The following TEKT5 variants were observed in gnomAD, a reference collection of about 807,000 sequenced individuals.
TEKT5 encodes the protein tektin 5.
A neutral mutation model predicts 48.7 loss-of-function variants in TEKT5; 52 were observed. The observed-to-expected ratio is 1.07, with a 90% confidence interval of 0.86 to 1.35. The LOEUF (loss-of-function observed/expected upper bound fraction) is 1.35. Ranked by LOEUF, TEKT5 falls within the 40% of genes most tolerant of loss-of-function variation. The probability of loss-of-function intolerance (pLI) is 0.00; values close to 1 mark genes in which losing one functional copy is unlikely to be tolerated. For missense variants in TEKT5, 831 were observed against 641.6 expected (o/e 1.30, Z -3.19); for synonymous variants, 318 against 267.6 (o/e 1.19, Z -1.84).
At chr16:10,677,439 G>A (rs1027616757) in intron 4 of TEKT5, among the ~76,000 whole-genome samples, 7 of 146,534 alleles carry the variant, frequency 4.8e-5, no homozygotes, top group Non-Finnish European at 4.4e-5. Context: ...GTGAAATCCC[G>A]TCTCTACTAA....
intron 3 of TEKT5, 64 bp downstream of exon 3, chr16:10,689,189 A>G: frequency 2.1e-6 from 3 of 1,417,734 alleles, no homozygotes; most frequent in Non-Finnish European, 2.9e-6. Context: ...CTTGTCCCCC[A>G]GAAATCTGAG....
At chr16:10,654,001 TGTGTGTGTGTGTGC>T (rs1567228730) in intron 5 of TEKT5, among the ~76,000 whole-genome samples, 1 of 145,124 alleles carries the variant, frequency 6.9e-6, no homozygotes, top group Non-Finnish European at 1.5e-5. Context: ...TGTGTGAACG[TGTGTGTGTGTGTGC>T]ATGTGTGTGT....
chr16:10,663,753 A>C (rs1169921591), intron 5 of TEKT5, among the ~76,000 whole-genome samples: 2 of 152,212 alleles, frequency 1.3e-5, no homozygotes, highest in African/African-American at 2.4e-5. Context: ...AGATGTTAGT[A>C]GCATTCTCCA....
At chr16:10,644,402 T>G (rs1033780836) in intron 5 of TEKT5, among the ~76,000 whole-genome samples, 2 of 152,198 alleles carry the variant, frequency 1.3e-5, no homozygotes, top group Non-Finnish European at 2.9e-5. Flanking sequence ...CCACATCGGA[T>G]TCTTCCAGAA....
intron 4 of TEKT5, among the ~76,000 whole-genome samples, chr16:10,678,373 G>A (rs917024796): frequency 2.6e-5 from 4 of 152,088 alleles, no homozygotes; most frequent in Non-Finnish European, 5.9e-5. Context: ...CTGGAATTAC[G>A]GGTCTGAGCC....
chr16:10,657,224 C>G (rs868610717), intron 5 of TEKT5, among the ~76,000 whole-genome samples: 5 of 151,394 alleles, frequency 3.3e-5, no homozygotes, highest in Middle Eastern at 3.4e-3. Context: ...TTGCCAGGTT[C>G]AAGCGATTCT....
At chr16:10,683,856 G>C (rs1898805001) in intron 3 of TEKT5, among the ~76,000 whole-genome samples, 1 of 152,218 alleles carries the variant, frequency 6.6e-6, no homozygotes, top group Admixed American at 6.5e-5. Flanking sequence ...GCTTCCCAAA[G>C]TGCTGGGATT....
intron 5 of TEKT5, among the ~76,000 whole-genome samples, chr16:10,645,949 T>C (rs556719425): frequency 5.3e-5 from 8 of 151,956 alleles, no homozygotes; most frequent in African/African-American, 1.4e-4. Flanking sequence ...CTGGGCAATA[T>C]AGTGAGACCC....
rs182278169 is a variant in TEKT5, at chr16:10,646,292, C to T, written c.1087-10374G>A. On this transcript the variant is annotated intron_variant, in intron 5 of 6. Transcript: ENST00000283025. ...GGATCTGGAAATCTAGATTTTTAAC[C>T]AGCTTCCCCCCAGTGACTCTTGTGC... Among the ~76,000 whole-genome samples the T allele has an allele frequency of 4.1e-3, 628 of 152,180 alleles. 4 individuals are homozygous for T. Among genetic ancestry groups the T allele is most frequent in the Non-Finnish European group, 5.0e-3 (339 of 68,008 alleles).
intron 6 of TEKT5, among the ~76,000 whole-genome samples, chr16:10,631,189 G>A (rs1897834876): frequency 6.7e-6 from 1 of 148,862 alleles, no homozygotes; most frequent in Admixed American, 6.8e-5. Context: ...CCGGGAGGCA[G>A]AGGTCGCAGT....
At chr16:10,679,848 G>A (rs1898713496) in intron 4 of TEKT5, among the ~76,000 whole-genome samples, 1 of 151,230 alleles carries the variant, frequency 6.6e-6, no homozygotes, top group Admixed American at 6.6e-5. Flanking sequence ...GGTGAGCCGA[G>A]ATCGCACCAT....
chr16:10,673,084 G>C (rs1183465866), intron 5 of TEKT5, among the ~76,000 whole-genome samples: 3 of 152,196 alleles, frequency 2.0e-5, no homozygotes, highest in Non-Finnish European at 4.4e-5. Context: ...TAACCATGCA[G>C]TCTGGCTCAG....
chr16:10,643,825 G>A (rs1434439874), intron 5 of TEKT5, among the ~76,000 whole-genome samples: 2 of 152,136 alleles, frequency 1.3e-5, no homozygotes, highest in African/African-American at 2.4e-5. Context: ...ATCACCTGAG[G>A]TCAGAAGTTC....
chr16:10,689,869 C>G, intron 2 of TEKT5, 73 bp downstream of exon 2: 1 of 1,441,776 alleles, frequency 6.9e-7, no homozygotes, highest in South Asian at 1.2e-5. Flanking sequence ...TGACAGGTAG[C>G]TCAGTAATTT....
chr16:10,631,069 C>CATATATATAT (rs150668217), intron 6 of TEKT5, among the ~76,000 whole-genome samples: 6 of 145,268 alleles, frequency 4.1e-5, no homozygotes, highest in African/African-American at 1.5e-4. Context: ...TATCTATGTC[C>CATATATATAT]ATATATATAT....
intron 5 of TEKT5, among the ~76,000 whole-genome samples, chr16:10,661,563 A>G (rs896137998): frequency 6.6e-6 from 1 of 152,248 alleles, no homozygotes; most frequent in East Asian, 1.9e-4. Flanking sequence ...GACAATCTGG[A>G]CAAGCTGAGA....
chr16:10,632,206 A>G (rs1003533954), intron 6 of TEKT5, among the ~76,000 whole-genome samples: 10 of 152,036 alleles, frequency 6.6e-5, no homozygotes, highest in African/African-American at 2.2e-4. Context: ...GATATGGTGA[A>G]CCCTAGCCAC....
In TEKT5 at chr16:10,627,616, G is replaced by T. The variant is rs1234407221; in HGVS notation, c.1425C>A (p.Phe475Leu). ...KEKCMGMRKT[F>L]PCTPRLVGHT ...GGCCCACCAGGCGCGGGGTGCAGGG[G>T]AAGGTCTTACGCATGCCCATGCACT... The change falls in exon 7 of 7, where the codon TTC (phenylalanine) becomes TTA (leucine). Residue 475 changes from phenylalanine (F) to leucine (L), a missense_variant. By Grantham distance (22) the Phe-to-Leu change is conservative (BLOSUM62 0). Transcript: ENST00000283025. The T allele has an allele frequency of 2.5e-6, 4 of 1,614,100 alleles. No homozygotes were observed. The highest frequency in any genetic ancestry group is 1.7e-5 in the Admixed American group (1 of 60,012).
At chr16:10,661,157 A>G (rs891318789) in intron 5 of TEKT5, among the ~76,000 whole-genome samples, 2 of 152,226 alleles carry the variant, frequency 1.3e-5, no homozygotes, top group African/African-American at 4.8e-5. Flanking sequence ...CTGTGCTCCA[A>G]TAAAACTATT....
Sources: allele counts gnomAD v4.1 joint callset (sites outside exome capture counted in the v4.1 genomes callset), GRCh38; gene constraint gnomAD v4.1.1; transcripts MANE v1.5; gene names NCBI Gene and HGNC (gene_info 2026-07-23, HGNC 2026-07-21).